The following PDZRN4 variants were observed in gnomAD, a reference collection of about 807,000 sequenced individuals.
The protein encoded by PDZRN4 is PDZ domain-containing RING finger protein 4.
PDZRN4 carries 70 observed loss-of-function variants against 99.0 expected under a neutral mutation model. The ratio of observed to expected loss-of-function variants is 0.71; its 90% CI spans 0.58 to 0.86. The LOEUF is 0.86. Among genes scored for constraint, PDZRN4 ranks in the 40% least tolerant of loss-of-function variants. The pLI, the probability that PDZRN4 is intolerant of heterozygous loss-of-function variation, is 0.00. For synonymous variants in PDZRN4, 551 were observed against 501.6 expected (o/e 1.10, Z -1.32); for missense variants, 1,474 against 1,331.2 (o/e 1.11, Z -1.67).
rs780320298 is a variant in PDZRN4, at chr12:41,509,904, T to C, written c.1194T>C (p.Phe398=). 8.5e-6 allele frequency: 13 copies of C among 1,533,522 alleles called. No individual in the cohort carries two copies. In the East Asian group the frequency reaches 2.9e-4, roughly 35 times the overall value. 95.0% of individuals were successfully genotyped at this position (1,533,522 alleles called of 1,614,324 possible). ...CTGATGCAGACAGAACAGAAGACTT[T>C]GAATATGAGGTAAGGTCATTTTCAT... The part of the protein sequence containing the change: ...LPADADRTED[F]EYEEVELCRV... Residue 398 remains phenylalanine (F), a synonymous_variant, in exon 5 of 10, where the codon TTT becomes TTC. Transcript: ENST00000402685.
At chr12:41,572,146 C>A (rs1939493117) in intron 9 of PDZRN4, among the ~76,000 whole-genome samples, 1 of 152,100 alleles carries the variant, frequency 6.6e-6, no homozygotes, top group South Asian at 2.1e-4. Flanking sequence ...AATATCATAG[C>A]CATATTCAAG....
chr12:41,514,140 A>AT (rs1212105598), intron 5 of PDZRN4, among the ~76,000 whole-genome samples: 2 of 152,114 alleles, frequency 1.3e-5, no homozygotes, highest in Non-Finnish European at 2.9e-5. Flanking sequence ...AAAAGAGAGG[A>AT]TAAATATATG....
intron 3 of PDZRN4, among the ~76,000 whole-genome samples, chr12:41,399,970 G>A (rs1952278228): frequency 6.6e-6 from 1 of 152,036 alleles, no homozygotes; most frequent in Non-Finnish European, 1.5e-5. Context: ...GGATGGGGAA[G>A]AGAGAGAGAA....
chr12:41,392,513 AG>A (rs2121123210), intron 3 of PDZRN4, among the ~76,000 whole-genome samples: 1 of 152,300 alleles, frequency 6.6e-6, no homozygotes, highest in African/African-American at 2.4e-5. Context: ...GCATTGCACT[AG>A]AAGGCTCCAT....
At chr12:41,333,423 C>T (rs73124829) in intron 3 of PDZRN4, among the ~76,000 whole-genome samples, 4,180 of 152,220 alleles carry the variant, frequency 0.027, 77 homozygotes, top group Middle Eastern at 0.048. Context: ...ATGGAACAGA[C>T]TGCTTGCTCC....
rs1592090655 is a variant in PDZRN4 at position 41,509,621 on chromosome 12, A to G, written c.1101-190A>G. On this transcript the variant is annotated intron_variant, in intron 4 of 9. Coordinates refer to ENST00000402685, the MANE Select transcript of PDZRN4 (RefSeq NM_001164595.2). ...TCCTAGCATTCTCTCAGAAATTGCA[A>G]ATTGATGGACTTCACGTAGAGGGAG... 3 of 399,766 alleles carry G rather than the reference A, an allele frequency of 7.5e-6. No individual in the cohort carries two copies. In the East Asian group the frequency reaches 1.3e-4, roughly 17 times the overall value. 24.8% of individuals were successfully genotyped at this position (399,766 alleles called of 1,614,324 possible).
intron 3 of PDZRN4, among the ~76,000 whole-genome samples, chr12:41,456,511 G>C (rs1303247477): frequency 6.6e-6 from 1 of 152,052 alleles, no homozygotes; most frequent in Non-Finnish European, 1.5e-5. Flanking sequence ...GACATAACCA[G>C]GTCCTTTCTA....
chr12:41,225,320 T>G (rs1023653980), intron 3 of PDZRN4, among the ~76,000 whole-genome samples: 1 of 152,060 alleles, frequency 6.6e-6, no homozygotes, highest in Non-Finnish European at 1.5e-5. Context: ...TCTGGGTGGT[T>G]GCATCTGATG....
At chr12:41,321,424 A>G (rs987979991) in intron 3 of PDZRN4, among the ~76,000 whole-genome samples, 1 of 152,190 alleles carries the variant, frequency 6.6e-6, no homozygotes, top group Non-Finnish European at 1.5e-5. Context: ...ACTGATCTTC[A>G]CACACAGCCT....
chr12:41,282,216 G>A (rs192249263), intron 3 of PDZRN4, among the ~76,000 whole-genome samples: 1 of 152,298 alleles, frequency 6.6e-6, no homozygotes, highest in Admixed American at 6.5e-5. Context: ...AACAGGGGTT[G>A]CAATACTAGT....
chr12:41,424,059 T>C (rs1239470255), intron 3 of PDZRN4, among the ~76,000 whole-genome samples: 1 of 152,192 alleles, frequency 6.6e-6, no homozygotes, highest in Non-Finnish European at 1.5e-5. Context: ...AAATGCCTGT[T>C]CTCTAAAAAT....
chr12:41,260,534 A>T (rs1207425591), intron 3 of PDZRN4, among the ~76,000 whole-genome samples: 1 of 152,172 alleles, frequency 6.6e-6, no homozygotes, highest in African/African-American at 2.4e-5. Context: ...TATTTTTTAC[A>T]TAACAGCATT....
chr12:41,425,530 G>C (rs538066385), intron 3 of PDZRN4, among the ~76,000 whole-genome samples: 1 of 152,148 alleles, frequency 6.6e-6, no homozygotes, highest in Admixed American at 6.6e-5. Flanking sequence ...AATGCATAAA[G>C]GAGAGGTCTT....
intron 3 of PDZRN4, among the ~76,000 whole-genome samples, chr12:41,381,451 T>G (rs370609004): frequency 6.6e-6 from 1 of 152,126 alleles, no homozygotes; most frequent in South Asian, 2.1e-4. Flanking sequence ...CTATTCTTCC[T>G]GGATAATTTC....
Position 41,573,719 on chromosome 12 carries a change from G to A in PDZRN4, c.2940G>A (p.Glu980=), listed in dbSNP as rs1939526651. The A allele has an allele frequency of 1.9e-6, 3 of 1,613,724 alleles. No individual in the cohort carries two copies. Among genetic ancestry groups the A allele is most frequent in the Admixed American group, 3.3e-5 (2 of 59,968 alleles). ...CLKESPQSGS[E]GKKEINIIEL... ...AGGAGAGCCCTCAGAGCGGCAGTGA[G>A]GGCAAGAAGGAGATCAATATCATTG... Residue 980 remains glutamate, a synonymous_variant, in exon 10 of 10, where the codon GAG becomes GAA. Transcript: ENST00000402685.
intron 3 of PDZRN4, among the ~76,000 whole-genome samples, chr12:41,365,997 G>A (rs749602115): frequency 2.6e-5 from 4 of 152,088 alleles, no homozygotes; most frequent in African/African-American, 4.8e-5. Flanking sequence ...GTGGGACATC[G>A]TGGCAGTGGA....
intron 3 of PDZRN4, among the ~76,000 whole-genome samples, chr12:41,427,026 A>T (rs1714767865): frequency 6.6e-6 from 1 of 152,204 alleles, no homozygotes; most frequent in African/African-American, 2.4e-5. Context: ...AGCATAAAGT[A>T]TGGTGAATAG....
rs189090321 is a variant in PDZRN4 at position 41,511,748 on chromosome 12, A to G, written c.1203+1835A>G. Reference sequence around the variant, plus strand: ...TTATGTGACACACACATAGAGTGGCACATGCCATCCCTTGTGGCTGCATCA... The same window carrying G: ...TTATGTGACACACACATAGAGTGGCGCATGCCATCCCTTGTGGCTGCATCA... On this transcript the variant is annotated intron_variant, in intron 5 of 9. Coordinates refer to ENST00000402685, the MANE Select transcript of PDZRN4 (RefSeq NM_001164595.2). Among the ~76,000 whole-genome samples, 321 of 152,302 alleles carry G rather than the reference A, an allele frequency of 2.1e-3. 1 individual carries two copies. The highest frequency in any genetic ancestry group is 1.8e-3 in the Non-Finnish European group (124 of 68,016).
chr12:41,382,210 C>G (rs1039726898), intron 3 of PDZRN4, among the ~76,000 whole-genome samples: 2 of 152,154 alleles, frequency 1.3e-5, no homozygotes, highest in Non-Finnish European at 2.9e-5. Flanking sequence ...GCTCCCCAGC[C>G]AAGTAGTGCT....
Sources: gnomAD v4.1 joint callset for allele counts (sites outside exome capture counted in the v4.1 genomes callset) on GRCh38, gnomAD v4.1.1 for gene constraint, MANE v1.5 for transcripts, NCBI Gene and HGNC (gene_info 2026-07-23, HGNC 2026-07-21) for gene names.